PACRG: variants seen among roughly 807,000 people sequenced by gnomAD.
The protein encoded by PACRG is parkin coregulated.
Under a neutral mutation model 29.7 loss-of-function variants are expected in PACRG, and 29 were observed. That is an observed-to-expected ratio of 0.98 (90% CI 0.73 to 1.33). PACRG has a LOEUF of 1.33. Among genes scored for constraint, PACRG ranks in the 40% most tolerant of loss-of-function variants. The pLI, the probability that PACRG is intolerant of heterozygous loss-of-function variation, is 0.00. For missense variants in PACRG, 279 were observed against 316.2 expected (o/e 0.88, Z 0.89); for synonymous variants, 116 against 118.7 (o/e 0.98, Z 0.15).
At chr6:162,988,539 CA>C (rs1803114762) in intron 2 of PACRG, among the ~76,000 whole-genome samples, 1 of 152,116 alleles carries the variant, frequency 6.6e-6, no homozygotes, top group Admixed American at 6.5e-5. Flanking sequence ...TGGATAGGAT[CA>C]GCTATGTTCT....
intron 2 of PACRG, among the ~76,000 whole-genome samples, chr6:162,951,105 A>G (rs1427074790): frequency 6.6e-6 from 1 of 152,234 alleles, no homozygotes; most frequent in Non-Finnish European, 1.5e-5. Flanking sequence ...TGTTTCATGA[A>G]TGAAAGTTCC....
At chr6:163,161,264 C>G (rs938095648) in intron 4 of PACRG, among the ~76,000 whole-genome samples, 2 of 138,848 alleles carry the variant, frequency 1.4e-5, no homozygotes, top group Non-Finnish European at 1.6e-5. Flanking sequence ...ATCAGGAAGC[C>G]TAAGGTTTTT....
Position 163,272,191 on chromosome 6 carries a change from A to C in PACRG, c.614-42636A>C, listed in dbSNP as rs544559713. ...ATAGCTGGGACTACAGGCATGCGCC[A>C]CCATGCCCAGCTAATTTTTGTATTT... On this transcript the variant is annotated intron_variant, in intron 4 of 4. Transcript: ENST00000366888. Among the ~76,000 whole-genome samples, 8 of 152,162 alleles carry C rather than the reference A, an allele frequency of 5.3e-5. No homozygotes were observed. The South Asian group carries it at 1.5e-3, about 28-fold the overall frequency.
chr6:163,113,156 A>T (rs532223662), intron 4 of PACRG, among the ~76,000 whole-genome samples: 14 of 152,334 alleles, frequency 9.2e-5, no homozygotes, highest in African/African-American at 3.1e-4. Context: ...CAGAAACATC[A>T]TCTGTGAATT....
At chr6:163,240,306 A>G (rs1782449958) in intron 4 of PACRG, among the ~76,000 whole-genome samples, 2 of 152,180 alleles carry the variant, frequency 1.3e-5, no homozygotes, top group South Asian at 4.1e-4. Context: ...CCCATGGAAT[A>G]TGAAAGCTGT....
intron 2 of PACRG, among the ~76,000 whole-genome samples, chr6:162,875,846 T>A (rs888357293): frequency 1.3e-5 from 2 of 152,240 alleles, no homozygotes; most frequent in Non-Finnish European, 2.9e-5. Context: ...TCCAGTATGA[T>A]CTTCTAAATG....
chr6:162,894,945 A>G (rs949138194), intron 2 of PACRG, among the ~76,000 whole-genome samples: 1 of 152,202 alleles, frequency 6.6e-6, no homozygotes, highest in Non-Finnish European at 1.5e-5. Flanking sequence ...TGAAGATTAT[A>G]ATGCTGACAA....
chr6:162,906,444 C>T (rs1003592351), intron 2 of PACRG, among the ~76,000 whole-genome samples: 2 of 152,158 alleles, frequency 1.3e-5, no homozygotes, highest in Non-Finnish European at 2.9e-5. Context: ...AATAGTGCTT[C>T]CAAAACAATT....
chr6:163,100,052 G>A (rs1257888632), intron 4 of PACRG, among the ~76,000 whole-genome samples: 1 of 152,044 alleles, frequency 6.6e-6, no homozygotes. Flanking sequence ...CGCCGCTGAG[G>A]TCAGGAGGGC....
intron 1 of PACRG, among the ~76,000 whole-genome samples, chr6:162,795,936 A>G (rs539196041): frequency 1.3e-5 from 2 of 152,274 alleles, no homozygotes; most frequent in South Asian, 4.1e-4. Flanking sequence ...TTTGCATGCT[A>G]GTACCTTACT....
intron 2 of PACRG, among the ~76,000 whole-genome samples, chr6:162,826,000 G>T (rs1788243651): frequency 6.6e-6 from 1 of 151,498 alleles, no homozygotes; most frequent in South Asian, 2.1e-4. Flanking sequence ...TTGACCAGAG[G>T]TCTATTAATT....
intron 1 of PACRG, among the ~76,000 whole-genome samples, chr6:162,810,896 T>G (rs1010898255): frequency 6.6e-6 from 1 of 152,148 alleles, no homozygotes; most frequent in African/African-American, 2.4e-5. Context: ...GACTGAAAAC[T>G]TTCTAAATTT....
intron 4 of PACRG, among the ~76,000 whole-genome samples, chr6:163,118,534 A>T (rs1816122697): frequency 6.6e-6 from 1 of 152,242 alleles, no homozygotes; most frequent in Non-Finnish European, 1.5e-5. Flanking sequence ...GGGTCCTTTA[A>T]AGGAAAACTG....
chr6:163,192,851 G>T (rs713375), intron 4 of PACRG, among the ~76,000 whole-genome samples: 1,793 of 152,226 alleles, frequency 0.012, 39 homozygotes, highest in African/African-American at 0.042. Flanking sequence ...CATCTGTGAC[G>T]TCCTGCAGTA....
At chr6:163,284,972 C>T (rs1784345831) in intron 4 of PACRG, among the ~76,000 whole-genome samples, 1 of 152,202 alleles carries the variant, frequency 6.6e-6, no homozygotes, top group Admixed American at 6.5e-5. Flanking sequence ...ATCACATTGC[C>T]TGGGGCAGTG....
At chr6:162,747,418 CTA>C (rs202161563) in intron 1 of PACRG, among the ~76,000 whole-genome samples, 2 of 62,032 alleles carry the variant, frequency 3.2e-5, no homozygotes, top group East Asian at 9.4e-4. Flanking sequence ...ATATATATAA[CTA>C]TAAATATATA....
intron 2 of PACRG, among the ~76,000 whole-genome samples, chr6:162,896,572 C>G (rs1795182640): frequency 6.6e-6 from 1 of 152,172 alleles, no homozygotes; most frequent in Non-Finnish European, 1.5e-5. Flanking sequence ...TATAGGCTAC[C>G]TGGGAAAACT....
intron 1 of PACRG, among the ~76,000 whole-genome samples, chr6:162,763,523 T>A (rs966806993): frequency 1.3e-5 from 2 of 152,228 alleles, no homozygotes; most frequent in African/African-American, 4.8e-5. Context: ...CACAACCCTT[T>A]TTGAATATTA....
chr6:163,269,754 G>C (rs1783663472), intron 4 of PACRG, among the ~76,000 whole-genome samples: 1 of 76,140 alleles, frequency 1.3e-5, no homozygotes, highest in African/African-American at 5.3e-5. Flanking sequence ...AGAAGAAAGA[G>C]AGAGAGAGAG....
Sources: allele counts gnomAD v4.1 joint callset (sites outside exome capture counted in the v4.1 genomes callset), GRCh38; gene constraint gnomAD v4.1.1; transcripts MANE v1.5; gene names NCBI Gene and HGNC (gene_info 2026-07-23, HGNC 2026-07-21).